Variants in CWH43 observed in about 807,000 individuals in gnomAD.
CWH43 encodes the protein PGAP2-interacting protein.
In CWH43, 91 loss-of-function variants were observed where a neutral mutation model predicts 85.7. The ratio of observed to expected loss-of-function variants is 1.06; its 90% CI spans 0.90 to 1.26. CWH43 has a LOEUF of 1.26. CWH43 is among the 50% of genes most tolerant of loss of function. The pLI, the probability that CWH43 is intolerant of heterozygous loss-of-function variation, is 0.00. For synonymous variants in CWH43, 323 were observed against 293.6 expected, an observed-to-expected ratio of 1.10 and a Z score of -1.02; for missense variants, 869 against 839.2, an observed-to-expected ratio of 1.04 and a Z score of -0.44.
intron 13 of CWH43, among the ~76,000 whole-genome samples, chr4:49,041,076 G>T (rs1784444105): frequency 6.6e-6 from 1 of 152,074 alleles, no homozygotes; most frequent in Admixed American, 6.6e-5. Context: ...TTATTTCTGA[G>T]GGCTCTGTTC....
At chr4:49,055,908 T>C (rs1437136536) in intron 15 of CWH43, among the ~76,000 whole-genome samples, 1 of 90,534 alleles carries the variant, frequency 1.1e-5, no homozygotes, top group African/African-American at 2.8e-5. Context: ...AATTTTTCTT[T>C]TTTTCTTTTT....
At chr4:49,023,684 A>G (rs547568762) in intron 9 of CWH43, among the ~76,000 whole-genome samples, 12 of 152,226 alleles carry the variant, frequency 7.9e-5, no homozygotes, top group Admixed American at 3.3e-4. Flanking sequence ...GTTGATTTCT[A>G]ATTTTATTCC....
chr4:49,049,076 T>C (rs1695304769), intron 14 of CWH43, among the ~76,000 whole-genome samples: 1 of 152,178 alleles, frequency 6.6e-6, no homozygotes, highest in African/African-American at 2.4e-5. Flanking sequence ...CAGTGTCTGT[T>C]AAATGGGTCA....
At position 49,017,338 on chromosome 4, in the gene CWH43, T is replaced by A; in HGVS notation, c.1266+10T>A. On this transcript the variant is annotated intron_variant, in intron 9 of 15. Transcript: ENST00000226432. ...AAAACTGGGCAAAGTGGTAAGTAAT[T>A]AAAAACCTTGAAATAGAATTTTATA... 2.5e-6 allele frequency: 4 copies of A among 1,575,890 alleles called. No individual in the cohort carries two copies. Among genetic ancestry groups the A allele is most frequent in the Non-Finnish European group, 3.5e-6 (4 of 1,150,262 alleles).
intron 5 of CWH43, 65 bp downstream of exon 5, chr4:48,994,885 T>C (rs1049534757): frequency 1.7e-5 from 22 of 1,260,454 alleles, no homozygotes; most frequent in Admixed American, 3.4e-5. Flanking sequence ...AATGCCTCCT[T>C]TGTCAGACAG....
Position 49,017,322 on chromosome 4 carries a change from C to A in CWH43, c.1260C>A (p.Gly420=), listed in dbSNP as rs371655074. ...ATAAAGCCTATGAGAGAAAACTGGG[C>A]AAAGTGGTAAGTAATTAAAAACCTT... ...LRHKAYERKL[G]KVAPTKEVSA... The change falls in exon 9 of 16, where the codon GGC becomes GGA. Residue 420 remains glycine, a synonymous_variant. Coordinates refer to ENST00000226432, the MANE Select transcript of CWH43 (RefSeq NM_025087.3). 2 of 1,604,070 alleles carry A rather than the reference C, an allele frequency of 1.2e-6. No individual in the cohort carries two copies. Among genetic ancestry groups the A allele is most frequent in the Non-Finnish European group, 1.7e-6 (2 of 1,172,736 alleles).
chr4:49,010,279 A>G (rs1431850196), intron 8 of CWH43, among the ~76,000 whole-genome samples: 2 of 152,182 alleles, frequency 1.3e-5, no homozygotes, highest in East Asian at 1.9e-4. Context: ...TGTTTATAGT[A>G]TTCTCTGATG....
chr4:49,002,264 T>C (rs1173265196), intron 6 of CWH43, among the ~76,000 whole-genome samples: 4 of 152,178 alleles, frequency 2.6e-5, no homozygotes, highest in Non-Finnish European at 4.4e-5. Context: ...CATCACACTG[T>C]TGTTTTAAAA....
intron 9 of CWH43, among the ~76,000 whole-genome samples, chr4:49,024,046 T>G (rs912052624): frequency 2.0e-5 from 3 of 152,166 alleles, no homozygotes; most frequent in African/African-American, 7.2e-5. Flanking sequence ...GCATATATAT[T>G]TAGGGTTGTG....
At chr4:49,037,230 C>T (rs187217527) in intron 12 of CWH43, among the ~76,000 whole-genome samples, 63 of 152,172 alleles carry the variant, frequency 4.1e-4, no homozygotes, top group Non-Finnish European at 6.6e-4. Context: ...ATAAAAGCAC[C>T]ATGTTCAGCT....
Position 49,017,337 on chromosome 4 carries a change from T to C in CWH43, c.1266+9T>C, listed in dbSNP as rs187580148. On this transcript the variant is annotated intron_variant, in intron 9 of 15. Coordinates refer to ENST00000226432, the MANE Select transcript of CWH43 (RefSeq NM_025087.3). ...GAAAACTGGGCAAAGTGGTAAGTAA[T>C]TAAAAACCTTGAAATAGAATTTTAT... The C allele has an allele frequency of 1.8e-3, 2,844 of 1,575,582 alleles. 5 individuals are homozygous for C. Among genetic ancestry groups the C allele is most frequent in the Non-Finnish European group, 1.9e-3 (2,220 of 1,150,124 alleles).
rs552730844 is a variant in CWH43, at chr4:49,061,690, A to G, written c.2022-122A>G. 659 of 898,496 alleles carry G rather than the reference A, an allele frequency of 7.3e-4. 15 individuals carry two copies. The South Asian group carries it at 0.016, about 21-fold the overall frequency. The allele number at this position is 898,496 out of a possible 1,614,324, so 55.7% of individuals were successfully genotyped here. A position where few individuals can be genotyped will look rare whatever the true frequency, so the allele number is the denominator to read the frequency against. On this transcript the variant is annotated intron_variant, in intron 15 of 15. Transcript: ENST00000226432. ...ATTTTAGTTTGCCTTTCCTATATGCATGAATCTTTTTTATTTATTCATTTG... is the reference window on the plus strand; with the variant it reads ...ATTTTAGTTTGCCTTTCCTATATGCGTGAATCTTTTTTATTTATTCATTTG...
chr4:49,003,053 C>T (rs1180798552), intron 6 of CWH43, among the ~76,000 whole-genome samples: 1 of 152,166 alleles, frequency 6.6e-6, no homozygotes, highest in Non-Finnish European at 1.5e-5. Context: ...AAGCTGATTT[C>T]ACAAGGATTG....
chr4:49,045,752 A>G (rs1247224328), intron 14 of CWH43, among the ~76,000 whole-genome samples: 5 of 152,150 alleles, frequency 3.3e-5, no homozygotes, highest in Admixed American at 6.6e-5. Flanking sequence ...AAATCGACAC[A>G]TAATAATTGT....
At chr4:49,002,199 G>C (rs1247215686) in intron 6 of CWH43, among the ~76,000 whole-genome samples, 1 of 152,032 alleles carries the variant, frequency 6.6e-6, no homozygotes, top group Non-Finnish European at 1.5e-5. Context: ...CTAGGAATCT[G>C]TTTTAAGGAA....
At chr4:49,044,019 T>C (rs954702870) in intron 13 of CWH43, among the ~76,000 whole-genome samples, 13 of 152,156 alleles carry the variant, frequency 8.5e-5, no homozygotes, top group African/African-American at 2.4e-4. Context: ...GTGTTTTTAA[T>C]TAAATGTTAA....
chr4:49,024,789 T>C (rs1366460101), intron 9 of CWH43, among the ~76,000 whole-genome samples: 1 of 152,140 alleles, frequency 6.6e-6, no homozygotes, highest in African/African-American at 2.4e-5. Flanking sequence ...AAGATTCTTT[T>C]TTTTTGTCTT....
chr4:49,045,253 T>G (rs1784587429), intron 14 of CWH43, among the ~76,000 whole-genome samples: 1 of 152,162 alleles, frequency 6.6e-6, no homozygotes, highest in Non-Finnish European at 1.5e-5. Flanking sequence ...CTGGGTAAGT[T>G]AACTAATTTG....
chr4:49,016,844 C>T (rs1783562989), intron 8 of CWH43: 1 of 780,762 alleles, frequency 1.3e-6, no homozygotes. Flanking sequence ...GTTCATCTGA[C>T]TCCCCAAAGA....
Sources: gnomAD v4.1 joint callset for allele counts (sites outside exome capture counted in the v4.1 genomes callset) on GRCh38, gnomAD v4.1.1 for gene constraint, MANE v1.5 for transcripts, NCBI Gene and HGNC (gene_info 2026-07-23, HGNC 2026-07-21) for gene names.